Variants in DGLUCY observed in about 807,000 individuals in gnomAD.
DGLUCY encodes the protein D-glutamate cyclase.
Under a neutral mutation model 58.5 loss-of-function variants are expected in DGLUCY, and 58 were observed. The observed-to-expected ratio is 0.99, with a 90% CI of 0.80 to 1.23. The LOEUF (loss-of-function observed/expected upper bound fraction) is 1.23, where lower values mean the gene tolerates loss of function less well. DGLUCY is among the 50% of genes most tolerant of loss of function. DGLUCY has a pLI of 0.00. For missense variants in DGLUCY, 779 were observed against 784.7 expected, an observed-to-expected ratio of 0.99 and a Z score of 0.09; for synonymous variants, 325 against 314.1, an observed-to-expected ratio of 1.03 and a Z score of -0.37.
chr14:91,102,493 C>T (rs1465163868), intron 1 of DGLUCY, among the ~76,000 whole-genome samples: 2 of 152,028 alleles, frequency 1.3e-5, no homozygotes, highest in African/African-American at 4.8e-5. Context: ...TCCTCCGGCC[C>T]CGGGACTGTC....
intron 9 of DGLUCY, among the ~76,000 whole-genome samples, chr14:91,193,802 A>G (rs951140474): frequency 1.3e-5 from 2 of 150,518 alleles, no homozygotes; most frequent in South Asian, 4.2e-4. Flanking sequence ...AAATTGTACC[A>G]CTGCACTCCA....
At chr14:91,125,729 G>T (rs1411975019) in intron 1 of DGLUCY, 4 of 152,268 alleles carry the variant, frequency 2.6e-5, no homozygotes, top group African/African-American at 9.7e-5. Context: ...AAGGCAGGCG[G>T]ATCACCTGAG....
Position 91,126,594 on chromosome 14 carries a change from A to G in DGLUCY, c.-82+12311A>G, listed in dbSNP as rs552176716. On this transcript the variant is annotated intron_variant, in intron 1 of 13. Transcript: ENST00000256324. ...CGTGTCAGACCAGGTGCGGTGGCTC[A>G]GGCCTGTTATCTCAGCACTTTGGGA... is the stretch of plus-strand genomic sequence containing the variant. 1.3e-3 allele frequency: 223 copies of G among 176,268 alleles called. 1 individual carries two copies. Among genetic ancestry groups the G allele is most frequent in the African/African-American group, 5.2e-3 (218 of 42,304 alleles). 10.9% of individuals were successfully genotyped at this position (176,268 alleles called of 1,614,324 possible).
chr14:91,141,863 TCAGA>T (rs1402046963), intron 1 of DGLUCY, among the ~76,000 whole-genome samples: 2 of 150,694 alleles, frequency 1.3e-5, no homozygotes, highest in Admixed American at 6.6e-5. Flanking sequence ...TTTTTTTTTT[TCAGA>T]CAGAGTCTTG....
intron 1 of DGLUCY, among the ~76,000 whole-genome samples, chr14:91,076,919 C>G (rs1335716868): frequency 2.0e-5 from 3 of 152,074 alleles, no homozygotes; most frequent in Non-Finnish European, 4.4e-5. Context: ...AGCCTGGACA[C>G]AGGGCAGTGC....
In DGLUCY at chr14:91,155,788, C is replaced by T. The variant is rs193222919; in HGVS notation, c.-81-1851C>T. Among the ~76,000 whole-genome samples, 1,220 of 149,582 alleles carry T rather than the reference C, an allele frequency of 8.2e-3. 16 individuals carry two copies. Among genetic ancestry groups the T allele is most frequent in the Non-Finnish European group, 8.5e-3 (575 of 67,430 alleles). On this transcript the variant is annotated intron_variant, in intron 1 of 13. Transcript: ENST00000256324. Reference sequence around the variant, plus strand: ...CTCTAGCCTGGGCAAGAGAGCAAGACCCTGTTTCCAAAAAAAAAAAAAAAA... The same window carrying T: ...CTCTAGCCTGGGCAAGAGAGCAAGATCCTGTTTCCAAAAAAAAAAAAAAAA...
At chr14:91,145,969 C>T (rs2046993138) in intron 1 of DGLUCY, among the ~76,000 whole-genome samples, 1 of 152,178 alleles carries the variant, frequency 6.6e-6, no homozygotes, top group African/African-American at 2.4e-5. Context: ...GCCTTGACCT[C>T]TGAGGCTGAA....
chr14:91,120,283 A>G (rs1472671922), intron 1 of DGLUCY, among the ~76,000 whole-genome samples: 1 of 152,118 alleles, frequency 6.6e-6, no homozygotes, highest in African/African-American at 2.4e-5. Flanking sequence ...GGGCTGTCTC[A>G]CAGGCTCCTC....
intron 13 of DGLUCY, 159 bp downstream of exon 13, chr14:91,215,715 G>A: frequency 6.5e-7 from 1 of 1,527,794 alleles, no homozygotes; most frequent in South Asian, 1.2e-5. Context: ...TGGATTGGGT[G>A]CCCTTTAAGC....
chr14:91,170,344 A>G (rs1427012408), intron 5 of DGLUCY, 143 bp downstream of exon 5: 13 of 933,910 alleles, frequency 1.4e-5, no homozygotes, highest in Non-Finnish European at 1.6e-6. Flanking sequence ...CTAGCTGTGC[A>G]ACCCAGGAGA....
At chr14:91,205,254 C>G (rs1261221020) in intron 12 of DGLUCY, among the ~76,000 whole-genome samples, 1 of 152,164 alleles carries the variant, frequency 6.6e-6, no homozygotes, top group Non-Finnish European at 1.5e-5. Context: ...TCTGCATGAA[C>G]AGTAAGAAAA....
At chr14:91,067,396 GT>G (rs1343205859) in intron 1 of DGLUCY, among the ~76,000 whole-genome samples, 1 of 152,186 alleles carries the variant, frequency 6.6e-6, no homozygotes, top group Non-Finnish European at 1.5e-5. Context: ...TGAGCAGGAA[GT>G]TCCTCACCTT....
intron 8 of DGLUCY, among the ~76,000 whole-genome samples, chr14:91,185,245 A>AGGTGTGAG (rs2049431293): frequency 6.9e-6 from 1 of 144,592 alleles, no homozygotes; most frequent in Non-Finnish European, 1.5e-5. Flanking sequence ...CTGGGATTAC[A>AGGTGTGAG]GGTGTGAGCC....
intron 9 of DGLUCY, 61 bp from the exon 10 acceptor site, chr14:91,196,314 C>T (rs780585735): frequency 7.2e-6 from 10 of 1,395,134 alleles, no homozygotes; most frequent in East Asian, 2.3e-5. Flanking sequence ...GAAAAGCCAA[C>T]GTGAATTTCC....
chr14:91,138,271 C>T (rs1266264158), intron 1 of DGLUCY, among the ~76,000 whole-genome samples: 3 of 152,166 alleles, frequency 2.0e-5, no homozygotes, highest in Non-Finnish European at 2.9e-5. Context: ...GTGGGTGGAT[C>T]ACCTGAGGTC....
rs958110295 is a variant in DGLUCY, at chr14:91,131,920, A to G, written c.-82+17637A>G. On this transcript the variant is annotated intron_variant, in intron 1 of 13. Transcript: ENST00000256324. Reference sequence around the variant, plus strand: ...GTAATTCTCTTGCATCAGCCTCCCAAGTAGCTGGGATTACAAGAGTGTGCC... The same window carrying G: ...GTAATTCTCTTGCATCAGCCTCCCAGGTAGCTGGGATTACAAGAGTGTGCC... Among the ~76,000 whole-genome samples the G allele has an allele frequency of 2.6e-5, 4 of 152,132 alleles. No individual in the cohort carries two copies. In the South Asian group the frequency reaches 6.2e-4, roughly 24 times the overall value.
intron 1 of DGLUCY, among the ~76,000 whole-genome samples, chr14:91,073,526 G>T (rs1291593117): frequency 6.6e-6 from 1 of 152,158 alleles, no homozygotes; most frequent in Admixed American, 6.5e-5. Flanking sequence ...GTAGAGACAG[G>T]GTTTTGCCAT....
chr14:91,060,539 C>G (rs976999301), exon 1 of DGLUCY: 2 of 1,217,712 alleles, frequency 1.6e-6, no homozygotes, highest in Non-Finnish European at 2.1e-6. Flanking sequence ...AGTCGGGGTG[C>G]GGCGGCTCCA....
upstream of DGLUCY, among the ~76,000 whole-genome samples, chr14:91,112,704 C>A (rs1306692092): frequency 6.6e-6 from 1 of 151,540 alleles, no homozygotes; most frequent in Non-Finnish European, 1.5e-5. Context: ...AAACAAAAAA[C>A]CAAAACCAAA....
Sources: allele counts gnomAD v4.1 joint callset (sites outside exome capture counted in the v4.1 genomes callset), GRCh38; gene constraint gnomAD v4.1.1; transcripts MANE v1.5; gene names NCBI Gene and HGNC (gene_info 2026-07-23, HGNC 2026-07-21).